The following NPAT variants were observed in gnomAD, a reference collection of about 807,000 sequenced individuals.
The protein encoded by NPAT is nuclear protein, coactivator of histone transcription, also known as protein NPAT.
In NPAT, 52 loss-of-function variants were observed where a neutral mutation model predicts 130.7. The ratio of observed to expected loss-of-function variants is 0.40; its 90% CI spans 0.32 to 0.50. The LOEUF (loss-of-function observed/expected upper bound fraction) is 0.50, where lower values mean the gene tolerates loss of function less well. Ranked by LOEUF, NPAT falls within the 20% of genes least tolerant of loss-of-function variation. NPAT has a pLI of 0.68. For synonymous variants in NPAT, 580 were observed against 584.8 expected (o/e 0.99, Z 0.12); for missense variants, 1,687 against 1,662.6 (o/e 1.01, Z -0.26).
chr11:108,162,134 T>C lies in NPAT; in HGVS notation c.3057A>G (p.Gly1019=). 2.5e-6 allele frequency: 4 copies of C among 1,614,028 alleles called. No homozygotes were observed. The highest frequency in any genetic ancestry group is 3.4e-6 in the Non-Finnish European group (4 of 1,179,894). The change falls in exon 16 of 18, where the codon GGA becomes GGG. Residue 1019 remains glycine (G), a synonymous_variant. Coordinates refer to ENST00000278612, the MANE Select transcript of NPAT (RefSeq NM_002519.3). ...TTTATACTCACTTTTGTGCATGACA[T>C]CCAACTGAATGACCTGACGAATCCA... ...NLVDSSGHSV[G]CHAQKTEVSD...
intron 1 of NPAT, among the ~76,000 whole-genome samples, chr11:108,199,266 C>G (rs987791029): frequency 5.3e-5 from 8 of 152,192 alleles, no homozygotes; most frequent in African/African-American, 1.7e-4. Flanking sequence ...GACGCCGGCT[C>G]CCAAGGTGGA....
intron 8 of NPAT, 83 bp downstream of exon 8, chr11:108,186,399 C>T (rs1451277011): frequency 4.1e-6 from 4 of 970,414 alleles, no homozygotes; most frequent in African/African-American, 3.2e-5. Flanking sequence ...TTGATACATA[C>T]ACACATACAT....
In NPAT at chr11:108,188,155, G is replaced by A; in HGVS notation, c.581C>T (p.Pro194Leu). 1 of 1,613,256 alleles carries A rather than the reference G, an allele frequency of 6.2e-7. No individual in the cohort carries two copies. Among genetic ancestry groups the A allele is most frequent in the Non-Finnish European group, 8.5e-7 (1 of 1,179,662 alleles). ...ATGTGCTTTCTTTTCCTGAGCACCA[G>A]GAATGACATTTAAAGCTTCTCCAGC... ...VTTGEALNVI[P>L]GAQEKKAHAS... is the part of the protein sequence containing the mutation. Residue 194 changes from proline to leucine, a missense_variant, in exon 7 of 18, where the codon CCT becomes CTT. By Grantham distance (98) the Pro-to-Leu change is moderately conservative. Coordinates refer to ENST00000278612, the MANE Select transcript of NPAT (RefSeq NM_002519.3).
Position 108,189,304 on chromosome 11 carries a change from T to C in NPAT, c.358A>G (p.Ile120Val). ...GATGCAAGCTTTCTCTGCCGTTTGA[T>C]TTCTGCAATTCCAGTTCTCGTTCGG... ...RARTRTGIAE[I>V]KRQRKLASQT... is the part of the protein sequence containing the mutation. Residue 120 changes from isoleucine (I) to valine (V), a missense_variant, in exon 6 of 18, where the codon ATC (isoleucine) becomes GTC (valine). Ile to Val is a conservative substitution (Grantham distance 29, BLOSUM62 3). This residue lies in a region of NPAT where 307 missense variants were observed against 298.9 expected (regional missense o/e 1.03). Transcript: ENST00000278612. 6.2e-7 allele frequency: 1 copy of C among 1,614,218 alleles called. No individual in the cohort carries two copies. The highest frequency in any genetic ancestry group is 8.5e-7 in the Non-Finnish European group (1 of 1,180,042).
chr11:108,212,809 T>C (rs1258110144), intron 1 of NPAT, among the ~76,000 whole-genome samples: 2 of 150,812 alleles, frequency 1.3e-5, no homozygotes, highest in Admixed American at 6.6e-5. Context: ...GAGCCAGGCA[T>C]GGTGGTGTCC....
In NPAT at chr11:108,208,886, G is replaced by C. The variant is rs11518204; in HGVS notation, c.38-11466C>G. Among the ~76,000 whole-genome samples the C allele has an allele frequency of 6.2e-3, 937 of 152,222 alleles. 5 individuals are homozygous for C. Among genetic ancestry groups the C allele is most frequent in the East Asian group, 0.012 (61 of 5,184 alleles). The stretch of plus-strand genomic sequence containing the variant: ...CAAGTGTACATGGAACATTTTCCAG[G>C]GCCGACCATATATTAGGACATGAAA... On this transcript the variant is annotated intron_variant, in intron 1 of 17. Coordinates refer to ENST00000278612, the MANE Select transcript of NPAT (RefSeq NM_002519.3).
intron 7 of NPAT, among the ~76,000 whole-genome samples, chr11:108,187,810 C>CAA (rs2078122380): frequency 3.3e-5 from 5 of 151,836 alleles, no homozygotes; most frequent in African/African-American, 1.2e-4. Context: ...ACATGGATTG[C>CAA]AAAAAATCTC....
intron 1 of NPAT, among the ~76,000 whole-genome samples, chr11:108,207,677 G>A (rs2078342302): frequency 6.6e-6 from 1 of 152,238 alleles, no homozygotes; most frequent in African/African-American, 2.4e-5. Flanking sequence ...AGCAGGGAGA[G>A]GCCAGGCAGC....
chr11:108,192,070 G>T, intron 4 of NPAT, 48 bp downstream of exon 4: 2 of 1,236,622 alleles, frequency 1.6e-6, no homozygotes, highest in Non-Finnish European at 1.2e-6. Context: ...TAAACCCAAA[G>T]TGTATTTGCA....
intron 10 of NPAT, among the ~76,000 whole-genome samples, chr11:108,180,898 A>G (rs1490312522): frequency 6.6e-6 from 1 of 152,238 alleles, no homozygotes; most frequent in Non-Finnish European, 1.5e-5. Context: ...GCCATGTAGA[A>G]CCTTGAGGAT....
At chr11:108,217,770 A>C (rs901839284) in intron 1 of NPAT, among the ~76,000 whole-genome samples, 3 of 152,178 alleles carry the variant, frequency 2.0e-5, no homozygotes, top group African/African-American at 7.2e-5. Context: ...AGGCGCATGG[A>C]TCACTTGAGG....
chr11:108,197,213 A>ATT, intron 2 of NPAT, 89 bp downstream of exon 2: 17 of 897,004 alleles, frequency 1.9e-5, no homozygotes, highest in African/African-American at 5.0e-5. Flanking sequence ...GCCAATTTCA[A>ATT]TTTTTTTTTT....
chr11:108,214,144 C>T (rs2078410053), intron 1 of NPAT, among the ~76,000 whole-genome samples: 1 of 152,180 alleles, frequency 6.6e-6, no homozygotes, highest in African/African-American at 2.4e-5. Flanking sequence ...AATCCTCCTG[C>T]CTTGGCCTCC....
intron 5 of NPAT, 111 bp downstream of exon 5, chr11:108,190,349 A>G: frequency 1.4e-6 from 1 of 707,358 alleles, no homozygotes; most frequent in East Asian, 2.9e-5. Context: ...AAAGAAAAAC[A>G]GTAGTTTAAG....
chr11:108,220,562 G>C (rs1188594061), intron 1 of NPAT, among the ~76,000 whole-genome samples: 1 of 152,106 alleles, frequency 6.6e-6, no homozygotes, highest in Non-Finnish European at 1.5e-5. Flanking sequence ...AAAACATTAT[G>C]AAGGGACCAA....
chr11:108,211,834 C>T (rs1215257903), intron 1 of NPAT, among the ~76,000 whole-genome samples: 1 of 152,088 alleles, frequency 6.6e-6, no homozygotes, highest in Non-Finnish European at 1.5e-5. Flanking sequence ...CCTATAGTTC[C>T]AGTTACTTGG....
chr11:108,202,811 T>C (rs1423989356), intron 1 of NPAT, among the ~76,000 whole-genome samples: 3 of 152,214 alleles, frequency 2.0e-5, no homozygotes, highest in African/African-American at 7.2e-5. Flanking sequence ...CTAGTGTGGG[T>C]AGATATCTTC....
intron 4 of NPAT, 26 bp downstream of exon 4, chr11:108,192,092 T>A: frequency 6.8e-7 from 1 of 1,467,866 alleles, no homozygotes; most frequent in Non-Finnish European, 9.6e-7. Context: ...TCCAAAATCA[T>A]TAGGCACATT....
chr11:108,189,645 C>T (rs994722121), intron 5 of NPAT, among the ~76,000 whole-genome samples: 77 of 151,700 alleles, frequency 5.1e-4, no homozygotes, highest in African/African-American at 1.7e-3. Context: ...CCGAGGCGGG[C>T]GGATCACGAG....
Sources: gnomAD v4.1 joint callset for allele counts (sites outside exome capture counted in the v4.1 genomes callset) on GRCh38, gnomAD v4.1.1 for gene constraint, gnomAD v4.1.1 regional missense constraint, MANE v1.5 for transcripts, NCBI Gene and HGNC (gene_info 2026-07-23, HGNC 2026-07-21) for gene names.